The following SREBF2 variants were observed in gnomAD, a reference collection of about 807,000 sequenced individuals.
SREBF2 encodes the protein sterol regulatory element binding transcription factor 2.
Under a neutral mutation model 113.1 loss-of-function variants are expected in SREBF2, and 55 were observed. The ratio of observed to expected loss-of-function variants is 0.49; its 90% CI spans 0.39 to 0.61. The LOEUF (loss-of-function observed/expected upper bound fraction) is 0.61. Among genes scored for constraint, SREBF2 ranks in the 20% least tolerant of loss-of-function variants. The pLI, the probability that SREBF2 is intolerant of heterozygous loss-of-function variation, is 0.00. For synonymous variants in SREBF2, 593 were observed against 605.7 expected, an observed-to-expected ratio of 0.98 and a Z score of 0.31; for missense variants, 1,349 against 1,487.4, an observed-to-expected ratio of 0.91 and a Z score of 1.53.
chr22:41,896,274 A>C (rs17002749), intron 13 of SREBF2, among the ~76,000 whole-genome samples: 11,706 of 152,206 alleles, frequency 0.077, 1,441 homozygotes, highest in African/African-American at 0.26. Context: ...TGACATACTT[A>C]CTGAGCACAG....
chr22:41,864,223 CATATATATATATAT>C (rs756489276), intron 1 of SREBF2, among the ~76,000 whole-genome samples: 483 of 46,326 alleles, frequency 0.01, 16 homozygotes, highest in African/African-American at 0.044. Context: ...CTTCTGCAAG[CATATATATATATAT>C]ATATATATAT....
rs1326586130 is a variant in SREBF2 at position 41,897,180 on chromosome 22, C to T, written c.2605+19C>T. 2.6e-6 allele frequency: 4 copies of T among 1,567,208 alleles called. No homozygotes were observed. Reference sequence around the variant, plus strand: ...GCCCTGGGTAAGCACCTGCGGGTGGCCCACAGTCTCAGGGTGCTCAGTTCA... The same window carrying T: ...GCCCTGGGTAAGCACCTGCGGGTGGTCCACAGTCTCAGGGTGCTCAGTTCA... On this transcript the variant is annotated intron_variant, in intron 14 of 18. Transcript: ENST00000361204.
intron 1 of SREBF2, among the ~76,000 whole-genome samples, chr22:41,837,182 G>A (rs887150761): frequency 6.6e-6 from 1 of 152,036 alleles, no homozygotes; most frequent in South Asian, 2.1e-4. Flanking sequence ...CTTAGATTCG[G>A]AAGTCCAGGG....
intron 13 of SREBF2, 124 bp downstream of exon 13, chr22:41,895,061 T>C: frequency 1.3e-6 from 1 of 741,648 alleles, no homozygotes; most frequent in Non-Finnish European, 2.4e-6. Flanking sequence ...GGCAATCAAA[T>C]GGTTCCTTTG....
rs371138221 is a variant in SREBF2 at position 41,844,028 on chromosome 22, ATAC to A, written c.88+10671_88+10673del. 2.5e-3 allele frequency among the ~76,000 whole-genome samples: 226 copies of A among 91,658 alleles called. 1 individual carries two copies. The highest frequency in any genetic ancestry group is 4.6e-3 in the Admixed American group (33 of 7,124). The allele number at this position is 91,658 out of a possible 152,430, so 60.1% of individuals were successfully genotyped here. A position where few individuals can be genotyped will look rare whatever the true frequency, so the allele number is the denominator to read the frequency against. On this transcript the variant is annotated intron_variant, in intron 1 of 18. Transcript: ENST00000361204. ...GAGACCCTGTCTCAAAAAAAAAAAA[ATAC>A]ATACACACACACACACACACACACA...
chr22:41,878,205 A>G (rs2077215340), intron 9 of SREBF2, 82 bp downstream of exon 9: 4 of 1,571,478 alleles, frequency 2.5e-6, no homozygotes, highest in Middle Eastern at 4.4e-4. Context: ...AAGTCCTATG[A>G]TAGATGCTTG....
intron 13 of SREBF2, 78 bp downstream of exon 13, chr22:41,895,015 T>C: frequency 8.9e-7 from 1 of 1,119,348 alleles, no homozygotes; most frequent in Non-Finnish European, 1.4e-6. Context: ...AGGCCTGCAC[T>C]CCTGGAGGGA....
intron 10 of SREBF2, among the ~76,000 whole-genome samples, chr22:41,881,725 G>A (rs2077247485): frequency 6.6e-6 from 1 of 152,186 alleles, no homozygotes; most frequent in Non-Finnish European, 1.5e-5. Flanking sequence ...AGGATTCAGT[G>A]AAGAGCATTA....
chr22:41,895,201 G>A (rs1268144761), intron 13 of SREBF2, among the ~76,000 whole-genome samples: 1 of 150,790 alleles, frequency 6.6e-6, no homozygotes, highest in Non-Finnish European at 1.5e-5. Context: ...GTGCAGTGGC[G>A]CAATCTTGGC....
intron 1 of SREBF2, among the ~76,000 whole-genome samples, chr22:41,859,293 A>C (rs2077004292): frequency 6.6e-6 from 1 of 152,234 alleles, no homozygotes; most frequent in Non-Finnish European, 1.5e-5. Flanking sequence ...GGGAGTTATC[A>C]GGAAGTGGTG....
chr22:41,874,057 T>C (rs762481568), intron 5 of SREBF2, 38 bp downstream of exon 5: 5 of 1,610,060 alleles, frequency 3.1e-6, no homozygotes, highest in Non-Finnish European at 4.2e-6. Context: ...TGTTCCACCA[T>C]CTCCCCTCTA....
At chr22:41,883,216 T>G (rs1207428276) in intron 10 of SREBF2, among the ~76,000 whole-genome samples, 2 of 152,022 alleles carry the variant, frequency 1.3e-5, no homozygotes, top group Non-Finnish European at 2.9e-5. Flanking sequence ...GAGGGGAGAT[T>G]GTTGCTGGGA....
intron 1 of SREBF2, among the ~76,000 whole-genome samples, chr22:41,855,102 G>A (rs544858523): frequency 4.9e-4 from 74 of 151,458 alleles, no homozygotes; most frequent in African/African-American, 1.7e-3. Context: ...AAAACATCAT[G>A]AGCACATGTC....
intron 11 of SREBF2, among the ~76,000 whole-genome samples, chr22:41,886,766 GCTTACC>G (rs1157323486): frequency 6.6e-6 from 1 of 152,234 alleles, no homozygotes; most frequent in Non-Finnish European, 1.5e-5. Context: ...GGGCACGGTG[GCTTACC>G]CCTGTAATCC....
chr22:41,842,425 T>C (rs2076838837), intron 1 of SREBF2, among the ~76,000 whole-genome samples: 1 of 152,236 alleles, frequency 6.6e-6, no homozygotes, highest in Non-Finnish European at 1.5e-5. Flanking sequence ...TACCAATGTA[T>C]CTTATAGATC....
chr22:41,896,142 A>G (rs572910618), intron 13 of SREBF2, among the ~76,000 whole-genome samples: 42 of 147,196 alleles, frequency 2.9e-4, no homozygotes, highest in African/African-American at 9.6e-4. Flanking sequence ...CTCTGTCTCA[A>G]AAAAAAAAAA....
At chr22:41,835,188 G>T (rs925940717) in intron 1 of SREBF2, among the ~76,000 whole-genome samples, 2 of 14,618 alleles carry the variant, frequency 1.4e-4, no homozygotes, top group African/African-American at 9.0e-4. Context: ...TTGAGACAGG[G>T]TCTCATTCTG....
intron 9 of SREBF2, among the ~76,000 whole-genome samples, chr22:41,879,969 G>T (rs929013699): frequency 1.3e-5 from 2 of 148,420 alleles, no homozygotes; most frequent in African/African-American, 5.3e-5. Flanking sequence ...ACACTGAGGT[G>T]GGGGGATTGC....
intron 1 of SREBF2, among the ~76,000 whole-genome samples, chr22:41,844,220 C>T (rs1005365601): frequency 6.6e-6 from 1 of 152,012 alleles, no homozygotes; most frequent in Non-Finnish European, 1.5e-5. Context: ...TCTTGCAGCA[C>T]CTATGATGTA....
Sources: allele counts gnomAD v4.1 joint callset (sites outside exome capture counted in the v4.1 genomes callset), GRCh38; gene constraint gnomAD v4.1.1; transcripts MANE v1.5; gene names NCBI Gene and HGNC (gene_info 2026-07-23, HGNC 2026-07-21).